Variants in ULK4 observed in about 807,000 individuals in gnomAD.
The protein encoded by ULK4 is inactive serine/threonine-protein kinase ULK4.
In ULK4, 133 loss-of-function variants were observed where a neutral mutation model predicts 160.6. The observed-to-expected ratio is 0.83, with a 90% CI of 0.72 to 0.96. The LOEUF is 0.96. ULK4 is among the 40% of genes least tolerant of loss of function. The pLI, the probability that ULK4 is intolerant of heterozygous loss-of-function variation, is 0.00. For missense variants in ULK4, 1,580 were observed against 1,499.5 expected (o/e 1.05, Z -0.89); for synonymous variants, 534 against 539.8 (o/e 0.99, Z 0.15).
intron 31 of ULK4, among the ~76,000 whole-genome samples, chr3:41,591,075 AAG>A (rs933988610): frequency 4.6e-5 from 7 of 152,172 alleles, no homozygotes; most frequent in Admixed American, 1.3e-4. Flanking sequence ...ACAATCAGAA[AAG>A]AGAGGAAAAT....
chr3:41,783,297 G>A (rs1365116921), intron 21 of ULK4, among the ~76,000 whole-genome samples: 1 of 152,040 alleles, frequency 6.6e-6, no homozygotes, highest in Non-Finnish European at 1.5e-5. Context: ...AGCACTTTGG[G>A]AGGCTGGGGA....
intron 29 of ULK4, among the ~76,000 whole-genome samples, chr3:41,672,127 T>C (rs1013639967): frequency 6.6e-6 from 1 of 152,106 alleles, no homozygotes; most frequent in African/African-American, 2.4e-5. Flanking sequence ...GTTGTGAGAA[T>C]GTAACATAGC....
At chr3:41,377,937 C>T (rs1285227136) in intron 35 of ULK4, among the ~76,000 whole-genome samples, 2 of 151,378 alleles carry the variant, frequency 1.3e-5, no homozygotes, top group African/African-American at 4.9e-5. Context: ...ATGTTTATTG[C>T]AGCACTATTC....
intron 29 of ULK4, among the ~76,000 whole-genome samples, chr3:41,674,202 TAC>T (rs2035629373): frequency 6.6e-6 from 1 of 152,182 alleles, no homozygotes; most frequent in Non-Finnish European, 1.5e-5. Flanking sequence ...TAGTCCCATT[TAC>T]AGATAAATAC....
intron 35 of ULK4, among the ~76,000 whole-genome samples, chr3:41,332,680 G>A (rs907569193): frequency 2.0e-5 from 3 of 152,148 alleles, no homozygotes; most frequent in Non-Finnish European, 4.4e-5. Context: ...GATTCAGGGG[G>A]TATATGTGCA....
chr3:41,674,639 A>G (rs1210227377), intron 29 of ULK4, among the ~76,000 whole-genome samples: 2 of 152,212 alleles, frequency 1.3e-5, no homozygotes, highest in Admixed American at 6.5e-5. Context: ...TTTGAATCCA[A>G]ACAAGAACCA....
intron 21 of ULK4, among the ~76,000 whole-genome samples, chr3:41,759,269 C>A (rs1295506287): frequency 6.7e-6 from 1 of 148,926 alleles, no homozygotes; most frequent in Non-Finnish European, 1.5e-5. Flanking sequence ...TAGAAAATCC[C>A]AAGGAATTTA....
At chr3:41,764,953 T>C (rs2039108656) in intron 21 of ULK4, among the ~76,000 whole-genome samples, 1 of 152,202 alleles carries the variant, frequency 6.6e-6, no homozygotes, top group Non-Finnish European at 1.5e-5. Context: ...TTTTACACTG[T>C]TGGTGGGACT....
rs372421852 is a variant in ULK4, at chr3:41,707,816, A to G, written c.2635-2511T>C. Among the ~76,000 whole-genome samples the G allele has an allele frequency of 9.5e-4, 144 of 151,710 alleles. 4 individuals are homozygous for G. The South Asian group carries it at 0.027, about 29-fold the overall frequency. The stretch of plus-strand genomic sequence containing the variant: ...GCACTCCAGCCTGGGTGACAGGGCA[A>G]GACCTTGTCTCCAAAAAAAGAAAAA... On this transcript the variant is annotated intron_variant, in intron 25 of 36. Coordinates refer to ENST00000301831, the MANE Select transcript of ULK4 (RefSeq NM_017886.4).
intron 19 of ULK4, among the ~76,000 whole-genome samples, chr3:41,807,350 C>G (rs1367273052): frequency 6.6e-6 from 1 of 152,008 alleles, no homozygotes; most frequent in African/African-American, 2.4e-5. Context: ...CCCACTAATT[C>G]AACTTTAGAA....
intron 29 of ULK4, among the ~76,000 whole-genome samples, chr3:41,671,843 G>C (rs1452109937): frequency 6.6e-6 from 1 of 151,924 alleles, no homozygotes; most frequent in Non-Finnish European, 1.5e-5. Flanking sequence ...CTAATATCCA[G>C]AATATATAAG....
chr3:41,827,533 A>T (rs2125641629), intron 18 of ULK4, among the ~76,000 whole-genome samples: 1 of 152,232 alleles, frequency 6.6e-6, no homozygotes, highest in South Asian at 2.1e-4. Flanking sequence ...CTATGCAAAT[A>T]AACTAGAAAA....
intron 22 of ULK4, among the ~76,000 whole-genome samples, chr3:41,749,745 T>A (rs375196893): frequency 1.3e-5 from 2 of 152,116 alleles, no homozygotes; most frequent in Non-Finnish European, 2.9e-5. Flanking sequence ...TTAAGACACA[T>A]AGATAATCTG....
chr3:41,754,497 G>A lies in ULK4; in HGVS notation c.2194-9C>T, dbSNP rs780575347. 5 of 1,606,678 alleles carry A rather than the reference G, an allele frequency of 3.1e-6. No homozygotes were observed. Among genetic ancestry groups the A allele is most frequent in the Non-Finnish European group, 2.5e-6 (3 of 1,177,774 alleles). On this transcript the variant is annotated splice_polypyrimidine_tract_variant and intron_variant, in intron 21 of 36. Coordinates refer to ENST00000301831, the MANE Select transcript of ULK4 (RefSeq NM_017886.4). ...ATTGTGGAGACAAAACCCTGTAGAA[G>A]ACATTTAAACAATTTTTTGAGAGAA... is the stretch of plus-strand genomic sequence containing the variant.
chr3:41,438,032 T>C (rs2083075283), intron 34 of ULK4, among the ~76,000 whole-genome samples: 2 of 151,338 alleles, frequency 1.3e-5, no homozygotes, highest in African/African-American at 2.4e-5. Context: ...GTCAGGACCC[T>C]AGTTCATTTG....
intron 32 of ULK4, among the ~76,000 whole-genome samples, chr3:41,494,280 C>T (rs1340634801): frequency 1.9e-5 from 2 of 107,700 alleles, no homozygotes; most frequent in Admixed American, 2.1e-4. Flanking sequence ...TCAATATACA[C>T]AAATCAATCA....
Position 41,919,800 on chromosome 3 carries a change from G to C in ULK4, c.560C>G (p.Ala187Gly). The stretch of plus-strand genomic sequence containing the variant: ...GTCAGCACCCCTCACAACTTCTGGT[G>C]CTGTATATACAGGAGATCCTAAAAG... ...SRVKGSPVYT[A>G]PEVVRGADFS... is the part of the protein sequence containing the mutation. Residue 187 changes from alanine to glycine, a missense_variant, in exon 6 of 37, where the codon GCA (alanine) becomes GGA (glycine). Physicochemically the swap from Ala to Gly is moderately conservative, Grantham distance 60. Transcript: ENST00000301831. The C allele has an allele frequency of 6.2e-7, 1 of 1,613,932 alleles. No homozygotes were observed.
intron 32 of ULK4, among the ~76,000 whole-genome samples, chr3:41,527,273 G>T: frequency 6.6e-6 from 1 of 152,190 alleles, no homozygotes. Flanking sequence ...AATGCACAGA[G>T]CTGCCCAAGT....
intron 32 of ULK4, among the ~76,000 whole-genome samples, chr3:41,541,392 T>C (rs2086690214): frequency 6.6e-6 from 1 of 152,216 alleles, no homozygotes; most frequent in African/African-American, 2.4e-5. Flanking sequence ...TCTATATACC[T>C]GTTTTGGTAC....
Sources: allele counts gnomAD v4.1 joint callset (sites outside exome capture counted in the v4.1 genomes callset), GRCh38; gene constraint gnomAD v4.1.1; transcripts MANE v1.5; gene names NCBI Gene and HGNC (gene_info 2026-07-23, HGNC 2026-07-21).